Variants in KHDRBS2 observed in about 807,000 individuals in gnomAD.
The protein encoded by KHDRBS2 is KH domain-containing, RNA-binding, signal transduction-associated protein 2.
In KHDRBS2, 26 loss-of-function variants were observed where a neutral mutation model predicts 44.3. The observed-to-expected ratio is 0.59, with a 90% CI of 0.43 to 0.81. The LOEUF is 0.81. Among genes scored for constraint, KHDRBS2 ranks in the 40% least tolerant of loss-of-function variants. The pLI, the probability that KHDRBS2 is intolerant of heterozygous loss-of-function variation, is 0.00. For synonymous variants in KHDRBS2, 194 were observed against 151.1 expected (o/e 1.28, Z -2.08); for missense variants, 476 against 433.1 (o/e 1.10, Z -0.88).
chr6:61,637,483 A>G, the KHDRBS2 span, among the ~76,000 whole-genome samples: 3 of 152,074 alleles, frequency 2.0e-5, no homozygotes, highest in Non-Finnish European at 2.9e-5. Flanking sequence ...GAATTATGCC[A>G]CAATAAACAT....
chr6:61,609,756 G>A, the KHDRBS2 span, among the ~76,000 whole-genome samples: 1 of 152,202 alleles, frequency 6.6e-6, no homozygotes, highest in African/African-American at 2.4e-5. Flanking sequence ...AAAGCTAGGA[G>A]AAAGCTGGTA....
intron 2 of KHDRBS2, among the ~76,000 whole-genome samples, chr6:62,126,889 T>C (rs747319775): frequency 6.6e-5 from 10 of 152,320 alleles, no homozygotes; most frequent in South Asian, 4.1e-4. Context: ...ACTTTATATA[T>C]AGGTTTCCCT....
intron 4 of KHDRBS2, among the ~76,000 whole-genome samples, chr6:61,956,907 A>ATCATCATCT (rs1217567856): frequency 7.4e-5 from 11 of 149,548 alleles, no homozygotes; most frequent in African/African-American, 2.7e-4. Context: ...ATTGGTTTTC[A>ATCATCATCT]TCATCATCAT....
At chr6:62,116,570 A>G (rs1311387178) in intron 2 of KHDRBS2, among the ~76,000 whole-genome samples, 1 of 152,206 alleles carries the variant, frequency 6.6e-6, no homozygotes, top group Non-Finnish European at 1.5e-5. Context: ...AGGTAATTAG[A>G]ATATCCATCA....
chr6:61,901,447 CAAA>C, intron 4 of KHDRBS2, 76 bp from the exon 5 acceptor site: 4 of 1,109,468 alleles, frequency 3.6e-6, no homozygotes, highest in Non-Finnish European at 5.0e-6. Context: ...AAAAAAGAAA[CAAA>C]ACAAAACGCA....
intron 4 of KHDRBS2, among the ~76,000 whole-genome samples, chr6:61,915,274 C>T (rs925134863): frequency 6.6e-6 from 1 of 151,952 alleles, no homozygotes; most frequent in African/African-American, 2.4e-5. Context: ...ACAATCCAGA[C>T]AAAAGGCAAT....
intron 1 of KHDRBS2, among the ~76,000 whole-genome samples, chr6:62,198,559 G>C (rs1436119773): frequency 6.6e-6 from 1 of 152,084 alleles, no homozygotes. Context: ...CTCTTGAATA[G>C]ACCAATAAAG....
chr6:61,983,200 TTTTC>T (rs70993191), intron 3 of KHDRBS2, among the ~76,000 whole-genome samples: 140 of 46,030 alleles, frequency 3.0e-3, no homozygotes, highest in South Asian at 0.017. Context: ...GTTTTTTTCA[TTTTC>T]TTTCTTTCTT....
chr6:61,870,365 T>G (rs1798485657), intron 6 of KHDRBS2, among the ~76,000 whole-genome samples: 1 of 152,110 alleles, frequency 6.6e-6, no homozygotes, highest in Non-Finnish European at 1.5e-5. Flanking sequence ...GGTCAGGGCA[T>G]CTCTGAAAAA....
rs962430364 is a variant in KHDRBS2, at chr6:61,786,447, C to A, written c.811-53683G>T. Among the ~76,000 whole-genome samples, 7 of 151,958 alleles carry A rather than the reference C, an allele frequency of 4.6e-5. No homozygotes were observed. The South Asian group carries it at 8.3e-4, about 18-fold the overall frequency. ...GTTCATTGGAGAAATTTGTAAAATA[C>A]TTTTGAAAATTAAAATATCCATAAT... On this transcript the variant is annotated intron_variant, in intron 6 of 8. Transcript: ENST00000281156.
intron 4 of KHDRBS2, among the ~76,000 whole-genome samples, chr6:61,955,641 C>A (rs534164377): frequency 7.0e-6 from 1 of 143,482 alleles, no homozygotes; most frequent in African/African-American, 2.6e-5. Flanking sequence ...TGTATATACA[C>A]GTATGTATGT....
intron 6 of KHDRBS2, among the ~76,000 whole-genome samples, chr6:61,835,345 G>A (rs1792475715): frequency 6.6e-6 from 1 of 152,064 alleles, no homozygotes. Flanking sequence ...GGCATGAAAA[G>A]AGTATATGAG....
At chr6:61,641,661 T>C in the KHDRBS2 span, among the ~76,000 whole-genome samples, 2 of 152,226 alleles carry the variant, frequency 1.3e-5, no homozygotes, top group African/African-American at 2.4e-5. Flanking sequence ...GCTTCATTTC[T>C]CTGGTCAACC....
the KHDRBS2 span, among the ~76,000 whole-genome samples, chr6:61,619,408 T>A: frequency 1.3e-5 from 2 of 151,720 alleles, no homozygotes; most frequent in Non-Finnish European, 2.9e-5. Context: ...GGCCTCTAGC[T>A]CCATCCAAGT....
At chr6:62,053,406 T>A (rs1789525696) in intron 2 of KHDRBS2, among the ~76,000 whole-genome samples, 1 of 151,966 alleles carries the variant, frequency 6.6e-6, no homozygotes, top group Non-Finnish European at 1.5e-5. Flanking sequence ...GTATCATAGC[T>A]AAGTCCTGTT....
At chr6:62,107,363 A>T (rs1455563434) in intron 2 of KHDRBS2, among the ~76,000 whole-genome samples, 1 of 152,210 alleles carries the variant, frequency 6.6e-6, no homozygotes, top group East Asian at 1.9e-4. Context: ...AGAGAATAAA[A>T]TATCTAGGAA....
At chr6:61,598,558 C>T in the KHDRBS2 span, among the ~76,000 whole-genome samples, 3 of 152,144 alleles carry the variant, frequency 2.0e-5, no homozygotes, top group African/African-American at 7.2e-5. Flanking sequence ...AGATCAAAAA[C>T]TTTTTCCTGG....
chr6:62,146,626 C>A (rs1400798774), intron 2 of KHDRBS2, among the ~76,000 whole-genome samples: 1 of 151,720 alleles, frequency 6.6e-6, no homozygotes, highest in East Asian at 1.9e-4. Context: ...GGTCTCTTAT[C>A]CACAGGGTAA....
intron 4 of KHDRBS2, among the ~76,000 whole-genome samples, chr6:61,975,758 T>C (rs1372661301): frequency 6.6e-6 from 1 of 151,340 alleles, no homozygotes; most frequent in Non-Finnish European, 1.5e-5. Flanking sequence ...AATGGAACAA[T>C]GAATTATAAT....
Sources: allele counts gnomAD v4.1 joint callset (sites outside exome capture counted in the v4.1 genomes callset), GRCh38; gene constraint gnomAD v4.1.1; transcripts MANE v1.5; gene names NCBI Gene and HGNC (gene_info 2026-07-23, HGNC 2026-07-21).